MTUS2: variants seen among roughly 807,000 people sequenced by gnomAD.
MTUS2 encodes the protein microtubule associated scaffold protein 2.
A neutral mutation model predicts 114.1 loss-of-function variants in MTUS2; 40 were observed. That is an observed-to-expected ratio of 0.35 (90% CI 0.27 to 0.46). The LOEUF (loss-of-function observed/expected upper bound fraction) is 0.46. Ranked by LOEUF, MTUS2 falls within the 20% of genes least tolerant of loss-of-function variation. MTUS2 has a pLI of 1.00. For synonymous variants in MTUS2, 688 were observed against 672.0 expected, an observed-to-expected ratio of 1.02 and a Z score of -0.37; for missense variants, 1,679 against 1,705.4, an observed-to-expected ratio of 0.98 and a Z score of 0.27.
In MTUS2 at chr13:29,461,865, A is replaced by G. The variant is rs115593477; in HGVS notation, c.3185-18285A>G. On this transcript the variant is annotated intron_variant, in intron 9 of 15. Coordinates refer to ENST00000612955, the MANE Select transcript of MTUS2 (RefSeq NM_001033602.4). ...CTTAGAAGCTTGGCTAAGGCGCTCT[A>G]TGGACTGAATCTCAGACTGACAAGG... Among the ~76,000 whole-genome samples, 1,284 of 152,342 alleles carry G rather than the reference A, an allele frequency of 8.4e-3. 17 individuals carry two copies. Among genetic ancestry groups the G allele is most frequent in the African/African-American group, 0.028 (1,173 of 41,578 alleles).
In MTUS2 at chr13:28,906,632, A is replaced by G. The variant is rs1880034528; in HGVS notation, c.-243+66782A>G. On this transcript the variant is annotated intron_variant, in intron 2 of 15. Coordinates refer to ENST00000612955, the MANE Select transcript of MTUS2 (RefSeq NM_001033602.4). ...GTGGTCTGAGAGACAGTTTGTTATA[A>G]TTTCTGTTGTTTTACATTTGCTGAG... Among the ~76,000 whole-genome samples, 4 of 151,584 alleles carry G rather than the reference A, an allele frequency of 2.6e-5. No individual in the cohort carries two copies. The South Asian group carries it at 8.4e-4, about 32-fold the overall frequency.
chr13:29,061,569 A>G (rs1017656051), intron 4 of MTUS2, among the ~76,000 whole-genome samples: 1 of 146,190 alleles, frequency 6.8e-6, no homozygotes, highest in Non-Finnish European at 1.5e-5. Context: ...TCTGTCCCAT[A>G]CATTCTAGCT....
chr13:28,856,534 G>A (rs1313208914), intron 2 of MTUS2, among the ~76,000 whole-genome samples: 2 of 152,178 alleles, frequency 1.3e-5, no homozygotes, highest in African/African-American at 2.4e-5. Flanking sequence ...AGCGATAATG[G>A]GCCATCAGCT....
intron 5 of MTUS2, among the ~76,000 whole-genome samples, chr13:29,176,639 C>T (rs908640164): frequency 6.6e-6 from 1 of 152,158 alleles, no homozygotes. Context: ...AAACAAGCTC[C>T]CCCAGGCCTC....
intron 11 of MTUS2, among the ~76,000 whole-genome samples, chr13:29,490,572 C>G (rs1418214255): frequency 1.3e-5 from 2 of 152,264 alleles, no homozygotes; most frequent in Non-Finnish European, 2.9e-5. Flanking sequence ...GCTGGAATGA[C>G]ACTTTTCACG....
Position 29,129,929 on chromosome 13 carries a change from A to C in MTUS2, c.2644+28959A>C, listed in dbSNP as rs529101028. 6.6e-5 allele frequency among the ~76,000 whole-genome samples: 10 copies of C among 152,178 alleles called. No individual in the cohort carries two copies. In the South Asian group the frequency reaches 1.5e-3, roughly 22 times the overall value. ...GAGGATTAGTTTTATTTTTACACTT[A>C]GGTGAAACCCCAAGACCTTTCTCGG... On this transcript the variant is annotated intron_variant, in intron 5 of 15. Transcript: ENST00000612955.
intron 5 of MTUS2, among the ~76,000 whole-genome samples, chr13:29,164,408 C>T (rs1893228942): frequency 6.6e-6 from 1 of 152,142 alleles, no homozygotes; most frequent in Non-Finnish European, 1.5e-5. Flanking sequence ...GGCAGATGTG[C>T]GCTACAGTGG....
intron 4 of MTUS2, among the ~76,000 whole-genome samples, chr13:29,043,867 A>G (rs1887491358): frequency 6.6e-6 from 1 of 151,998 alleles, no homozygotes; most frequent in African/African-American, 2.4e-5. Context: ...ATATGGTGTA[A>G]GAATCTTACA....
At chr13:29,111,961 T>G (rs1265458892) in intron 5 of MTUS2, among the ~76,000 whole-genome samples, 1 of 152,180 alleles carries the variant, frequency 6.6e-6, no homozygotes, top group East Asian at 1.9e-4. Flanking sequence ...TTTGTGAGGC[T>G]TTGATGAGTT....
chr13:28,998,577 GC>G (rs754778930), intron 2 of MTUS2, among the ~76,000 whole-genome samples: 1 of 152,142 alleles, frequency 6.6e-6, no homozygotes, highest in Non-Finnish European at 1.5e-5. Context: ...TTTCTTGGAG[GC>G]TTTATTCATT....
At chr13:29,061,449 T>C (rs746473875) in intron 4 of MTUS2, among the ~76,000 whole-genome samples, 1 of 152,236 alleles carries the variant, frequency 6.6e-6, no homozygotes, top group Non-Finnish European at 1.5e-5. Flanking sequence ...TTGTTCTTAC[T>C]CAGTCTTTGG....
intron 2 of MTUS2, among the ~76,000 whole-genome samples, chr13:28,985,835 C>A (rs1348265067): frequency 1.3e-5 from 2 of 152,130 alleles, no homozygotes; most frequent in African/African-American, 2.4e-5. Context: ...GCCTGGATAG[C>A]CCTCTCCTGA....
At chr13:29,495,849 C>T (rs1566238325) in intron 12 of MTUS2, among the ~76,000 whole-genome samples, 2 of 151,824 alleles carry the variant, frequency 1.3e-5, no homozygotes. Flanking sequence ...CTAGCCTGGG[C>T]GACAGAGTGA....
intron 2 of MTUS2, among the ~76,000 whole-genome samples, chr13:28,992,087 C>A (rs542742250): frequency 6.6e-6 from 1 of 152,296 alleles, no homozygotes; most frequent in South Asian, 2.1e-4. Context: ...GGGACTCTCT[C>A]AATCTCCCTT....
intron 2 of MTUS2, among the ~76,000 whole-genome samples, chr13:28,904,437 G>A (rs1879852234): frequency 6.6e-6 from 1 of 152,124 alleles, no homozygotes; most frequent in African/African-American, 2.4e-5. Flanking sequence ...TGTATAAGGT[G>A]TAAGGAAGGG....
At chr13:28,912,303 C>T (rs757313612) in intron 2 of MTUS2, among the ~76,000 whole-genome samples, 2 of 152,054 alleles carry the variant, frequency 1.3e-5, no homozygotes, top group Non-Finnish European at 2.9e-5. Context: ...CCAGGTTTGT[C>T]GAAGATCAGA....
At position 28,983,207 on chromosome 13, in the gene MTUS2, A is replaced by G. The variant is rs1481212372; in HGVS notation, c.-242-41250A>G. Among the ~76,000 whole-genome samples, 4 of 152,194 alleles carry G rather than the reference A, an allele frequency of 2.6e-5. No individual in the cohort carries two copies. The East Asian group carries it at 7.7e-4, about 29-fold the overall frequency. ...GATTCCTCACACAGAGGTCCCTGGCAGGTCCACCTCTCTATCGCTCCAGAG... is the reference window on the plus strand; with the variant it reads ...GATTCCTCACACAGAGGTCCCTGGCGGGTCCACCTCTCTATCGCTCCAGAG... On this transcript the variant is annotated intron_variant, in intron 2 of 15. Transcript: ENST00000612955.
chr13:29,044,181 C>T (rs948006849), intron 4 of MTUS2, among the ~76,000 whole-genome samples: 1 of 151,720 alleles, frequency 6.6e-6, no homozygotes, highest in African/African-American at 2.4e-5. Flanking sequence ...TTTTGTTCAC[C>T]TATACTTTTG....
At chr13:29,420,669 C>G (rs1194240304) in intron 8 of MTUS2, among the ~76,000 whole-genome samples, 1 of 152,188 alleles carries the variant, frequency 6.6e-6, no homozygotes, top group Non-Finnish European at 1.5e-5. Context: ...TAACGTATGT[C>G]AAATAGACAG....
Sources: gnomAD v4.1 joint callset for allele counts (sites outside exome capture counted in the v4.1 genomes callset) on GRCh38, gnomAD v4.1.1 for gene constraint, MANE v1.5 for transcripts, NCBI Gene and HGNC (gene_info 2026-07-23, HGNC 2026-07-21) for gene names.